Variants in LINGO2 observed in about 807,000 individuals in gnomAD.
The protein encoded by LINGO2 is leucine-rich repeat and immunoglobulin-like domain-containing nogo receptor-interacting protein 2.
In LINGO2, 14 loss-of-function variants were observed where a neutral mutation model predicts 30.6. That is an observed-to-expected ratio of 0.46 (90% confidence interval 0.30 to 0.72). The LOEUF (loss-of-function observed/expected upper bound fraction) is 0.72, where lower values mean the gene tolerates loss of function less well. Among genes scored for constraint, LINGO2 ranks in the 30% least tolerant of loss-of-function variants. LINGO2 has a pLI of 0.07. For missense variants in LINGO2, 729 were observed against 751.7 expected (o/e 0.97, Z 0.35); for synonymous variants, 317 against 288.5 (o/e 1.10, Z -1.00).
chr9:29,168,135 T>C, the LINGO2 span, among the ~76,000 whole-genome samples: 1 of 152,192 alleles, frequency 6.6e-6, no homozygotes, highest in African/African-American at 2.4e-5. Context: ...TATTTCCTCA[T>C]GTCTCTTATC....
intron 1 of LINGO2, among the ~76,000 whole-genome samples, chr9:28,546,641 A>G (rs1220356298): frequency 6.6e-6 from 1 of 152,050 alleles, no homozygotes; most frequent in Non-Finnish European, 1.5e-5. Context: ...TCTAGGTTTT[A>G]TGGCTGGCTT....
the LINGO2 span, among the ~76,000 whole-genome samples, chr9:28,995,873 G>T: frequency 7.7e-6 from 1 of 130,118 alleles, no homozygotes; most frequent in East Asian, 2.3e-4. Flanking sequence ...ACTGTTGTGG[G>T]GTAGGGGGAT....
the LINGO2 span, among the ~76,000 whole-genome samples, chr9:28,707,015 T>G: frequency 2.0e-5 from 3 of 152,152 alleles, no homozygotes; most frequent in Non-Finnish European, 4.4e-5. Flanking sequence ...CTACATGTTC[T>G]TATAGATCTA....
At chr9:29,031,160 C>G in the LINGO2 span, among the ~76,000 whole-genome samples, 1 of 152,124 alleles carries the variant, frequency 6.6e-6, no homozygotes, top group South Asian at 2.1e-4. Flanking sequence ...AAAAACCACA[C>G]AGTAGCTGTG....
chr9:28,345,799 G>A (rs536608429), intron 3 of LINGO2, among the ~76,000 whole-genome samples: 20 of 152,196 alleles, frequency 1.3e-4, no homozygotes, highest in African/African-American at 4.8e-4. Context: ...TATGACTCTT[G>A]AGACTGTCAA....
intron 2 of LINGO2, among the ~76,000 whole-genome samples, chr9:28,469,114 TAA>T (rs1457819135): frequency 6.6e-6 from 1 of 151,670 alleles, no homozygotes; most frequent in Non-Finnish European, 1.5e-5. Context: ...ATAGAAATCA[TAA>T]AAAAGAACCA....
the LINGO2 span, among the ~76,000 whole-genome samples, chr9:28,770,917 T>C: frequency 6.6e-6 from 1 of 152,208 alleles, no homozygotes; most frequent in African/African-American, 2.4e-5. Context: ...GATCTACGTA[T>C]TCAAAATCAT....
chr9:28,693,928 T>C, the LINGO2 span, among the ~76,000 whole-genome samples: 1 of 152,036 alleles, frequency 6.6e-6, no homozygotes, highest in South Asian at 2.1e-4. Context: ...TATTAGAAGG[T>C]GGTGCTTATC....
In LINGO2 at chr9:28,581,558, G is replaced by C. The variant is rs1049167215; in HGVS notation, c.-365+88642C>G. 8.6e-5 allele frequency among the ~76,000 whole-genome samples: 13 copies of C among 151,230 alleles called. No homozygotes were observed. In the East Asian group the frequency reaches 1.2e-3, roughly 14 times the overall value. On this transcript the variant is annotated intron_variant, in intron 1 of 5. Coordinates refer to ENST00000379992, the Ensembl canonical transcript of LINGO2. Reference sequence around the variant, plus strand: ...TATATAGAAAGCAACATACAGATAAGTCTGAAAGGAAAACTTACCCATGAT... The same window carrying C: ...TATATAGAAAGCAACATACAGATAACTCTGAAAGGAAAACTTACCCATGAT...
intron 4 of LINGO2, among the ~76,000 whole-genome samples, chr9:28,136,030 T>C (rs990148929): frequency 6.6e-6 from 1 of 152,174 alleles, no homozygotes; most frequent in East Asian, 1.9e-4. Context: ...AGGTGAAATA[T>C]ATTATTTCTA....
chr9:28,823,223 G>A, the LINGO2 span, among the ~76,000 whole-genome samples: 2 of 152,100 alleles, frequency 1.3e-5, no homozygotes, highest in Admixed American at 6.5e-5. Context: ...TGTGTCAAAT[G>A]TTAGCAGTAG....
At chr9:28,644,357 C>A (rs1384817942) in intron 1 of LINGO2, among the ~76,000 whole-genome samples, 1 of 151,806 alleles carries the variant, frequency 6.6e-6, no homozygotes, top group African/African-American at 2.4e-5. Flanking sequence ...TACTATTCAG[C>A]CATAAAAAAG....
At chr9:28,447,170 A>G (rs1027294962) in intron 2 of LINGO2, among the ~76,000 whole-genome samples, 29 of 152,094 alleles carry the variant, frequency 1.9e-4, no homozygotes, top group Admixed American at 1.8e-3. Context: ...ATTTTTCTGT[A>G]TTACTTTTCA....
the LINGO2 span, among the ~76,000 whole-genome samples, chr9:28,848,164 A>AC: frequency 1.2e-5 from 1 of 86,328 alleles, no homozygotes; most frequent in Non-Finnish European, 2.0e-5. Flanking sequence ...ACGCATATAT[A>AC]GTGTGTATAT....
chr9:28,767,094 G>A, the LINGO2 span, among the ~76,000 whole-genome samples: 1 of 151,176 alleles, frequency 6.6e-6, no homozygotes, highest in Non-Finnish European at 1.5e-5. Flanking sequence ...AAGGTGGGGT[G>A]GGTAATGGAG....
intron 4 of LINGO2, among the ~76,000 whole-genome samples, chr9:28,203,256 A>G (rs978082014): frequency 3.3e-5 from 5 of 152,150 alleles, no homozygotes; most frequent in Non-Finnish European, 5.9e-5. Flanking sequence ...TAACTACTTG[A>G]GAGTACTTTT....
the LINGO2 span, among the ~76,000 whole-genome samples, chr9:29,171,153 A>T: frequency 1.3e-5 from 2 of 152,252 alleles, no homozygotes; most frequent in East Asian, 3.9e-4. Flanking sequence ...AAAGCTAAGC[A>T]CATAACAAAA....
At chr9:28,720,318 T>C in the LINGO2 span, among the ~76,000 whole-genome samples, 1 of 152,144 alleles carries the variant, frequency 6.6e-6, no homozygotes, top group East Asian at 1.9e-4. Context: ...GTTTCTGAAC[T>C]GTTTGTGCAT....
the LINGO2 span, among the ~76,000 whole-genome samples, chr9:28,839,883 C>A: frequency 1.3e-5 from 2 of 152,102 alleles, no homozygotes; most frequent in East Asian, 1.9e-4. Flanking sequence ...CTGAGGGGTG[C>A]CTGCAGGCTA....
Sources: gnomAD v4.1 joint callset for allele counts (sites outside exome capture counted in the v4.1 genomes callset) on GRCh38, gnomAD v4.1.1 for gene constraint, MANE v1.5 for transcripts, NCBI Gene and HGNC (gene_info 2026-07-23, HGNC 2026-07-21) for gene names.